The following KCNU1 variants were observed in gnomAD, a reference collection of about 807,000 sequenced individuals.
The protein encoded by KCNU1 is potassium channel subfamily U member 1.
KCNU1 carries 93 observed loss-of-function variants against 126.8 expected under a neutral mutation model. That is an observed-to-expected ratio of 0.73 (90% CI 0.62 to 0.87). KCNU1 has a LOEUF of 0.87. Ranked by LOEUF, KCNU1 falls within the 40% of genes least tolerant of loss-of-function variation. KCNU1 has a pLI of 0.00. For missense variants in KCNU1, 1,330 were observed against 1,367.1 expected (o/e 0.97, Z 0.43); for synonymous variants, 523 against 494.2 (o/e 1.06, Z -0.77).
chr8:36,871,967 G>C (rs1459476472), intron 19 of KCNU1, among the ~76,000 whole-genome samples: 1 of 151,752 alleles, frequency 6.6e-6, no homozygotes, highest in South Asian at 2.1e-4. Flanking sequence ...GCGAAGCTTA[G>C]TCACTGTTTC....
chr8:36,871,458 A>C (rs563588700), intron 19 of KCNU1, among the ~76,000 whole-genome samples: 1 of 152,248 alleles, frequency 6.6e-6, no homozygotes, highest in Non-Finnish European at 1.5e-5. Flanking sequence ...TGTATTGAAT[A>C]ATCTGATTCT....
chr8:36,790,590 T>G (rs1285913173), intron 2 of KCNU1, among the ~76,000 whole-genome samples: 1 of 152,136 alleles, frequency 6.6e-6, no homozygotes, highest in Non-Finnish European at 1.5e-5. Context: ...GAAAACTGGA[T>G]GATTTCTTAT....
At chr8:36,904,909 G>A (rs1341725316) in intron 19 of KCNU1, among the ~76,000 whole-genome samples, 3 of 152,122 alleles carry the variant, frequency 2.0e-5, no homozygotes, top group African/African-American at 7.2e-5. Flanking sequence ...TGGGGATGTT[G>A]AGGTTGTTTC....
At chr8:36,923,733 G>C (rs542136425) in intron 24 of KCNU1, among the ~76,000 whole-genome samples, 31 of 152,286 alleles carry the variant, frequency 2.0e-4, no homozygotes, top group Admixed American at 9.8e-4. Context: ...GCATCCATTG[G>C]CTGGAGCTGG....
At position 36,836,840 on chromosome 8, in the gene KCNU1, C is replaced by T. The variant is rs1804767047; in HGVS notation, c.1413C>T (p.Asn471=). Reference sequence around the variant, plus strand: ...GCTGGAACTGGGACACCGGAGACAACATCATCTGCTTTGCTGAATTAAAAC... The same window carrying T: ...GCTGGAACTGGGACACCGGAGACAATATCATCTGCTTTGCTGAATTAAAAC... ...IPSWNWDTGD[N]IICFAELKLG... is the part of the protein sequence containing the mutation. The change falls in exon 14 of 27, where the codon AAC becomes AAT. Residue 471 remains asparagine, a synonymous_variant. Coordinates refer to ENST00000399881, the MANE Select transcript of KCNU1 (RefSeq NM_001031836.3). 1 of 1,613,810 alleles carries T rather than the reference C, an allele frequency of 6.2e-7. No homozygotes were observed. Among genetic ancestry groups the T allele is most frequent in the Middle Eastern group, 1.7e-4 (1 of 6,058 alleles).
chr8:36,846,047 G>A lies in KCNU1; in HGVS notation c.1891+148G>A. On this transcript the variant is annotated intron_variant, in intron 18 of 26. Transcript: ENST00000399881. ...CATTTCCTCACTGACCACACAAGAG[G>A]TGAGAATCAGTGTTTTAGAGCTGGA... 8.2e-6 allele frequency: 5 copies of A among 609,958 alleles called. 1 individual carries two copies. Among genetic ancestry groups the A allele is most frequent in the South Asian group, 4.0e-5 (2 of 50,328 alleles). 37.8% of individuals were successfully genotyped at this position (609,958 alleles called of 1,614,324 possible).
At chr8:36,804,301 T>G (rs1454359931) in intron 3 of KCNU1, among the ~76,000 whole-genome samples, 1 of 152,156 alleles carries the variant, frequency 6.6e-6, no homozygotes, top group Non-Finnish European at 1.5e-5. Flanking sequence ...TCCTGCCACT[T>G]TCCACTGCTA....
At chr8:36,866,747 T>C (rs138064066) in intron 19 of KCNU1, among the ~76,000 whole-genome samples, 22 of 152,228 alleles carry the variant, frequency 1.4e-4, no homozygotes, top group African/African-American at 4.1e-4. Flanking sequence ...GTGAACAAGA[T>C]GGATTCACAT....
In KCNU1 at chr8:36,935,845, T is replaced by G; in HGVS notation, c.3375T>G (p.Asn1125Lys). The change falls in exon 27 of 27, where the codon AAT (asparagine) becomes AAG (lysine). Residue 1125 changes from asparagine to lysine, a missense_variant. Coordinates refer to ENST00000399881, the MANE Select transcript of KCNU1 (RefSeq NM_001031836.3). ...CATCTCAGATACCTTTAGGTGACAATGCAAAAGAAAATGAAAGGAAAACTT... is the reference window on the plus strand; with the variant it reads ...CATCTCAGATACCTTTAGGTGACAAGGCAAAAGAAAATGAAAGGAAAACTT... ...IISSQIPLGD[N>K]AKENERKTSD... 6.2e-7 allele frequency: 1 copy of G among 1,611,450 alleles called. No individual in the cohort carries two copies. Among genetic ancestry groups the G allele is most frequent in the Non-Finnish European group, 8.5e-7 (1 of 1,178,994 alleles).
chr8:36,889,071 G>A (rs1806844856), intron 19 of KCNU1: 1 of 524,326 alleles, frequency 1.9e-6, no homozygotes, highest in African/African-American at 1.9e-5. Context: ...TAGAGACAGG[G>A]TTTCACCATG....
chr8:36,849,265 T>C (rs546142164), intron 18 of KCNU1, among the ~76,000 whole-genome samples: 310 of 152,308 alleles, frequency 2.0e-3, no homozygotes, highest in African/African-American at 7.1e-3. Context: ...GTCTGGCTCC[T>C]TTTATTCAGC....
At chr8:36,835,348 C>CT (rs113877164) in intron 12 of KCNU1, among the ~76,000 whole-genome samples, 4,155 of 141,608 alleles carry the variant, frequency 0.029, 72 homozygotes, top group Non-Finnish European at 0.042. Context: ...CTTTTCTTTT[C>CT]TTTTTTTTTT....
chr8:36,813,143 T>G (rs2130454113), intron 7 of KCNU1, among the ~76,000 whole-genome samples: 1 of 152,304 alleles, frequency 6.6e-6, no homozygotes, highest in South Asian at 2.1e-4. Flanking sequence ...GCCATAAGAC[T>G]TAAGAACAGA....
At chr8:36,855,674 G>GA (rs907160811) in intron 18 of KCNU1, among the ~76,000 whole-genome samples, 4 of 150,294 alleles carry the variant, frequency 2.7e-5, no homozygotes, top group Admixed American at 6.6e-5. Flanking sequence ...CCAGAGTTCT[G>GA]AAAAAAAAAT....
intron 19 of KCNU1, among the ~76,000 whole-genome samples, chr8:36,872,684 G>A (rs1045726182): frequency 3.3e-5 from 5 of 152,294 alleles, no homozygotes; most frequent in African/African-American, 1.2e-4. Context: ...AGAGTCAGGA[G>A]TTTCCCATAA....
intron 19 of KCNU1, among the ~76,000 whole-genome samples, chr8:36,891,273 T>A (rs1178033496): frequency 6.6e-6 from 1 of 152,036 alleles, no homozygotes; most frequent in Non-Finnish European, 1.5e-5. Flanking sequence ...ATTAATACTG[T>A]CTTATTTTCA....
intron 19 of KCNU1, among the ~76,000 whole-genome samples, chr8:36,879,823 C>T (rs188692802): frequency 2.6e-5 from 4 of 152,108 alleles, no homozygotes; most frequent in Non-Finnish European, 2.9e-5. Flanking sequence ...AGGCCTGCCT[C>T]GAGTGGGCAC....
At chr8:36,786,769 TA>T (rs1487295730) in intron 1 of KCNU1, among the ~76,000 whole-genome samples, 2 of 152,194 alleles carry the variant, frequency 1.3e-5, no homozygotes, top group Non-Finnish European at 2.9e-5. Flanking sequence ...AACATTTAAA[TA>T]TAATAAGTAA....
chr8:36,840,932 G>A lies in KCNU1; in HGVS notation c.1632G>A (p.Arg544=). The A allele has an allele frequency of 6.2e-7, 1 of 1,610,974 alleles. No individual in the cohort carries two copies. The highest frequency in any genetic ancestry group is 8.5e-7 in the Non-Finnish European group (1 of 1,177,520). ...FAGMSFPEVA[R]LCFLKMHLLL... The stretch of plus-strand genomic sequence containing the variant: ...TTTGACTCCTCGTCTTCCTTCCCAG[G>A]CTCTGCTTTCTGAAGATGCACCTCC... The change falls in exon 16 of 27, where the codon CGG becomes CGA. Residue 544 remains arginine, a splice_region_variant and synonymous_variant. Coordinates refer to ENST00000399881, the MANE Select transcript of KCNU1 (RefSeq NM_001031836.3).
Sources: gnomAD v4.1 joint callset for allele counts (sites outside exome capture counted in the v4.1 genomes callset) on GRCh38, gnomAD v4.1.1 for gene constraint, MANE v1.5 for transcripts, NCBI Gene and HGNC (gene_info 2026-07-23, HGNC 2026-07-21) for gene names.